Variants in TMEM120B observed in about 807,000 individuals in gnomAD.
The protein encoded by TMEM120B is transmembrane protein 120B.
Under a neutral mutation model 55.5 loss-of-function variants are expected in TMEM120B, and 31 were observed. That is an observed-to-expected ratio of 0.56 (90% CI 0.42 to 0.75). TMEM120B has a LOEUF of 0.75. TMEM120B is among the 30% of genes least tolerant of loss of function. TMEM120B has a pLI of 0.00. For missense variants in TMEM120B, 399 were observed against 425.5 expected (o/e 0.94, Z 0.55); for synonymous variants, 203 against 176.3 (o/e 1.15, Z -1.20).
chr12:121,770,891 C>T lies in TMEM120B; in HGVS notation c.552-16C>T. On this transcript the variant is annotated splice_polypyrimidine_tract_variant and intron_variant, in intron 6 of 11. Coordinates refer to ENST00000449592, the MANE Select transcript of TMEM120B (RefSeq NM_001080825.2). ...TCTCCCCTCCTGAGCACTTTCCGTTCTCTCCCTCTCCCGAGAATTAAAGGC... is the reference window on the plus strand; with the variant it reads ...TCTCCCCTCCTGAGCACTTTCCGTTTTCTCCCTCTCCCGAGAATTAAAGGC... The T allele has an allele frequency of 6.2e-7, 1 of 1,613,858 alleles. No individual in the cohort carries two copies. The highest frequency in any genetic ancestry group is 8.5e-7 in the Non-Finnish European group (1 of 1,179,870).
intron 1 of TMEM120B, among the ~76,000 whole-genome samples, chr12:121,731,160 G>A (rs1367755830): frequency 3.9e-5 from 6 of 152,180 alleles, no homozygotes; most frequent in African/African-American, 1.2e-4. Context: ...GTCACACATT[G>A]CATACTGATG....
rs11043185 is a variant in TMEM120B at position 121,747,283 on chromosome 12, C to G, written c.189-1043C>G. On this transcript the variant is annotated intron_variant, in intron 2 of 11. Coordinates refer to ENST00000449592, the MANE Select transcript of TMEM120B (RefSeq NM_001080825.2). ...GAAGGTGGGAGGCTGGGGTAGAAGG[C>G]GGGAGGCTGGGGTAGAAGGCGGGAG... Among the ~76,000 whole-genome samples, 14 of 48,196 alleles carry G rather than the reference C, an allele frequency of 2.9e-4. 1 individual carries two copies. The highest frequency in any genetic ancestry group is 1.0e-3 in the East Asian group (2 of 1,934). The allele number at this position is 48,196 out of a possible 152,430, so 31.6% of individuals were successfully genotyped here.
intron 8 of TMEM120B, among the ~76,000 whole-genome samples, chr12:121,772,109 T>TTC (rs199806160): frequency 2.1e-4 from 31 of 147,316 alleles, no homozygotes; most frequent in Non-Finnish European, 3.0e-4. Context: ...CTTTCTCTCT[T>TTC]TCTCTCTCTC....
intron 1 of TMEM120B, among the ~76,000 whole-genome samples, chr12:121,735,194 A>C (rs1263655287): frequency 4.6e-5 from 7 of 150,780 alleles, no homozygotes; most frequent in South Asian, 2.1e-4. Context: ...TCAAAAAAAA[A>C]AAAAAACAAA....
chr12:121,743,848 C>G (rs1873005912), intron 2 of TMEM120B, 101 bp downstream of exon 2: 2 of 868,846 alleles, frequency 2.3e-6, no homozygotes, highest in South Asian at 1.5e-5. Flanking sequence ...TGGAAAAAGA[C>G]AGGACTGGGA....
chr12:121,767,871 G>C (rs2137344743), intron 6 of TMEM120B, among the ~76,000 whole-genome samples: 1 of 152,340 alleles, frequency 6.6e-6, no homozygotes, highest in Non-Finnish European at 1.5e-5. Context: ...CAGGCTTGTT[G>C]CCTGGAGTCT....
rs56972824 is a variant in TMEM120B, at chr12:121,724,030, CTT to C, written c.69+11090_69+11091del. ...TTGTCCAGGCTGGTCTCAAGTGATC[CTT>C]TTTTTTTTTTTTTTTTTTTTTTTGA... On this transcript the variant is annotated intron_variant, in intron 1 of 11. Coordinates refer to ENST00000449592, the MANE Select transcript of TMEM120B (RefSeq NM_001080825.2). Among the ~76,000 whole-genome samples, 90 of 76,006 alleles carry C rather than the reference CTT, an allele frequency of 1.2e-3. No homozygotes were observed. The East Asian group carries it at 0.03, about 25-fold the overall frequency. 49.9% of individuals were successfully genotyped at this position (76,006 alleles called of 152,430 possible).
intron 1 of TMEM120B, among the ~76,000 whole-genome samples, chr12:121,719,146 G>C (rs1355408605): frequency 6.6e-6 from 1 of 152,030 alleles, no homozygotes; most frequent in Non-Finnish European, 1.5e-5. Context: ...TCACATATCT[G>C]CTCCTGAAGC....
At chr12:121,760,493 G>A (rs1873641990) in intron 5 of TMEM120B, among the ~76,000 whole-genome samples, 2 of 152,156 alleles carry the variant, frequency 1.3e-5, no homozygotes, top group Non-Finnish European at 2.9e-5. Flanking sequence ...GGGCGCGTGC[G>A]CAGTTTGTTT....
chr12:121,773,674 G>A (rs1874138458), intron 9 of TMEM120B, among the ~76,000 whole-genome samples, 161 bp downstream of exon 9: 1 of 152,182 alleles, frequency 6.6e-6, no homozygotes, highest in South Asian at 2.1e-4. Flanking sequence ...TGTTTCAGCT[G>A]CCAAGTGCCA....
Position 121,748,322 on chromosome 12 carries a change from G to C in TMEM120B, c.189-4G>C. On this transcript the variant is annotated splice_polypyrimidine_tract_variant and splice_region_variant and intron_variant, in intron 2 of 11. Transcript: ENST00000449592. The stretch of plus-strand genomic sequence containing the variant: ...TTCCCCTGTGCCTGCATCTCTGTCC[G>C]CAGGTGCAAACGCCATGCCAGTCGG... 4 of 1,607,112 alleles carry C rather than the reference G, an allele frequency of 2.5e-6. No individual in the cohort carries two copies. The highest frequency in any genetic ancestry group is 3.4e-6 in the Non-Finnish European group (4 of 1,175,706).
intron 4 of TMEM120B, among the ~76,000 whole-genome samples, chr12:121,751,908 C>A (rs893426919): frequency 6.6e-6 from 1 of 152,210 alleles, no homozygotes; most frequent in Non-Finnish European, 1.5e-5. Flanking sequence ...AGCCCCAGAC[C>A]AGAGTCCAGG....
intron 1 of TMEM120B, 69 bp downstream of exon 1, chr12:121,713,033 C>A: frequency 7.4e-7 from 1 of 1,349,298 alleles, no homozygotes; most frequent in Non-Finnish European, 9.9e-7. Flanking sequence ...TCCTGAGCCC[C>A]CCGGCCCGGG....
In TMEM120B at chr12:121,731,005, C is replaced by T. The variant is rs971199277; in HGVS notation, c.70-12624C>T. On this transcript the variant is annotated intron_variant, in intron 1 of 11. Transcript: ENST00000449592. The stretch of plus-strand genomic sequence containing the variant: ...CATACTGTATGATTCCACTTACAGG[C>T]GGTACCTAGAGTAGTCAAATTCGTA... Among the ~76,000 whole-genome samples the T allele has an allele frequency of 1.1e-4, 16 of 151,374 alleles. No individual in the cohort carries two copies. In the East Asian group the frequency reaches 1.2e-3, roughly 11 times the overall value.
intron 4 of TMEM120B, among the ~76,000 whole-genome samples, chr12:121,751,560 T>C (rs1306254735): frequency 6.6e-6 from 1 of 151,844 alleles, no homozygotes; most frequent in African/African-American, 2.4e-5. Context: ...GGTGAGGCGC[T>C]GGCTTTTGGA....
intron 2 of TMEM120B, among the ~76,000 whole-genome samples, chr12:121,745,057 G>A (rs576304439): frequency 3.0e-4 from 45 of 152,300 alleles, no homozygotes; most frequent in African/African-American, 1.0e-3. Context: ...TGCACTGTGG[G>A]ATAGTGAGTA....
chr12:121,763,383 C>T lies in TMEM120B; in HGVS notation c.551+1645C>T, dbSNP rs180814959. ...TTCACTGTGTTAGCCAGGATGGTCTCGATCTCCTGACCTCGTGATCCGCCC... is the reference window on the plus strand; with the variant it reads ...TTCACTGTGTTAGCCAGGATGGTCTTGATCTCCTGACCTCGTGATCCGCCC... On this transcript the variant is annotated intron_variant, in intron 6 of 11. Transcript: ENST00000449592. Among the ~76,000 whole-genome samples, 558 of 152,042 alleles carry T rather than the reference C, an allele frequency of 3.7e-3. 7 individuals carry two copies. The highest frequency in any genetic ancestry group is 0.013 in the African/African-American group (526 of 41,446).
intron 5 of TMEM120B, among the ~76,000 whole-genome samples, chr12:121,755,624 C>A (rs1057053811): frequency 6.6e-6 from 1 of 152,032 alleles, no homozygotes; most frequent in African/African-American, 2.4e-5. Context: ...CCAGAAGAGA[C>A]CCCCAAGACA....
intron 1 of TMEM120B, among the ~76,000 whole-genome samples, chr12:121,719,080 C>A (rs1363817666): frequency 6.6e-6 from 1 of 152,136 alleles, no homozygotes; most frequent in African/African-American, 2.4e-5. Flanking sequence ...CAGCTTGGGT[C>A]ATGTGACTAT....
Sources: allele counts gnomAD v4.1 joint callset (sites outside exome capture counted in the v4.1 genomes callset), GRCh38; gene constraint gnomAD v4.1.1; transcripts MANE v1.5; gene names NCBI Gene and HGNC (gene_info 2026-07-23, HGNC 2026-07-21).